HS6ST3: variants seen among roughly 807,000 people sequenced by gnomAD.
HS6ST3 encodes heparan sulfate 6-O-sulfotransferase 3.
In HS6ST3, 12 loss-of-function variants were observed where a neutral mutation model predicts 36.7. That is an observed-to-expected ratio of 0.33 (90% confidence interval 0.21 to 0.53). The LOEUF is 0.53. Among genes scored for constraint, HS6ST3 ranks in the 20% least tolerant of loss-of-function variants. HS6ST3 has a pLI of 0.95. For synonymous variants in HS6ST3, 240 were observed against 257.5 expected, an observed-to-expected ratio of 0.93 and a Z score of 0.65; for missense variants, 584 against 640.9, an observed-to-expected ratio of 0.91 and a Z score of 0.96.
intron 1 of HS6ST3, among the ~76,000 whole-genome samples, chr13:96,298,415 C>A (rs1209804600): frequency 6.6e-6 from 1 of 152,188 alleles, no homozygotes. Context: ...TCTACAGTTA[C>A]ACATTCTTAG....
intron 1 of HS6ST3, among the ~76,000 whole-genome samples, chr13:96,516,454 A>G (rs2056073207): frequency 6.6e-6 from 1 of 152,190 alleles, no homozygotes; most frequent in South Asian, 2.1e-4. Flanking sequence ...TACTTAATAG[A>G]TAGTCAGTAA....
intron 1 of HS6ST3, among the ~76,000 whole-genome samples, chr13:96,233,505 T>C (rs2139368846): frequency 6.6e-6 from 1 of 152,232 alleles, no homozygotes; most frequent in East Asian, 1.9e-4. Flanking sequence ...TCAACTATAG[T>C]TTGAAGAGTT....
chr13:96,666,530 G>T (rs1300768931), intron 1 of HS6ST3, among the ~76,000 whole-genome samples: 1 of 151,916 alleles, frequency 6.6e-6, no homozygotes, highest in Non-Finnish European at 1.5e-5. Flanking sequence ...TACTATAGTA[G>T]TATTATGGTT....
At chr13:96,421,837 C>CT (rs2055564209) in intron 1 of HS6ST3, among the ~76,000 whole-genome samples, 1 of 152,304 alleles carries the variant, frequency 6.6e-6, no homozygotes, top group South Asian at 2.1e-4. Context: ...GTCAAGAACA[C>CT]TGTCTTTTCA....
chr13:96,573,999 G>A (rs1359089135), intron 1 of HS6ST3: 7 of 541,416 alleles, frequency 1.3e-5, no homozygotes, highest in East Asian at 5.2e-5. Flanking sequence ...CCACAGCCAC[G>A]ACTTCCTAGA....
At chr13:96,467,073 T>C (rs1203072918) in intron 1 of HS6ST3, among the ~76,000 whole-genome samples, 1 of 152,234 alleles carries the variant, frequency 6.6e-6, no homozygotes, top group Admixed American at 6.5e-5. Flanking sequence ...ATATATTCTT[T>C]CTGACTCCCA....
chr13:96,830,202 A>G (rs1312114478), intron 1 of HS6ST3, among the ~76,000 whole-genome samples: 1 of 152,220 alleles, frequency 6.6e-6, no homozygotes, highest in African/African-American at 2.4e-5. Context: ...AGGCTAAGCT[A>G]TGATGTTTGG....
At chr13:96,733,197 C>T (rs1876202847) in intron 1 of HS6ST3, among the ~76,000 whole-genome samples, 1 of 152,122 alleles carries the variant, frequency 6.6e-6, no homozygotes, top group African/African-American at 2.4e-5. Context: ...AGTGGGCATT[C>T]TGGGCTTATT....
At chr13:96,581,143 A>G (rs2056340468) in intron 1 of HS6ST3, among the ~76,000 whole-genome samples, 1 of 152,200 alleles carries the variant, frequency 6.6e-6, no homozygotes, top group African/African-American at 2.4e-5. Flanking sequence ...TACCATTTGA[A>G]AAAGGAATAA....
chr13:96,549,975 G>T (rs1173790446), intron 1 of HS6ST3, among the ~76,000 whole-genome samples: 2 of 152,164 alleles, frequency 1.3e-5, no homozygotes, highest in Non-Finnish European at 2.9e-5. Context: ...CACATTGTAT[G>T]TTCTCTATTT....
At chr13:96,681,383 C>G (rs1197307827) in intron 1 of HS6ST3, among the ~76,000 whole-genome samples, 1 of 152,010 alleles carries the variant, frequency 6.6e-6, no homozygotes, top group Non-Finnish European at 1.5e-5. Context: ...GTTACAGGCT[C>G]TCTTGATCTC....
At chr13:96,203,684 A>G (rs923383689) in intron 1 of HS6ST3, among the ~76,000 whole-genome samples, 1 of 152,218 alleles carries the variant, frequency 6.6e-6, no homozygotes, top group African/African-American at 2.4e-5. Context: ...GCCAAATACC[A>G]TATGCCAAAT....
At chr13:96,482,979 A>G (rs2055896819) in intron 1 of HS6ST3, among the ~76,000 whole-genome samples, 1 of 152,182 alleles carries the variant, frequency 6.6e-6, no homozygotes, top group Non-Finnish European at 1.5e-5. Context: ...TTTGATAGTA[A>G]GTGGTGTTTA....
At chr13:96,159,326 T>C (rs910825736) in intron 1 of HS6ST3, among the ~76,000 whole-genome samples, 1 of 152,196 alleles carries the variant, frequency 6.6e-6, no homozygotes, top group Non-Finnish European at 1.5e-5. Context: ...AAAATAGCAT[T>C]CATTTTATTT....
chr13:96,666,113 A>G (rs946728091), intron 1 of HS6ST3, among the ~76,000 whole-genome samples: 5 of 152,148 alleles, frequency 3.3e-5, no homozygotes, highest in African/African-American at 9.7e-5. Flanking sequence ...TCATGGAGGA[A>G]GGGAAAGCAA....
At chr13:96,269,091 T>C (rs2054707025) in intron 1 of HS6ST3, among the ~76,000 whole-genome samples, 1 of 152,014 alleles carries the variant, frequency 6.6e-6, no homozygotes, top group Non-Finnish European at 1.5e-5. Flanking sequence ...TATAATTGTT[T>C]GTATATACCA....
intron 1 of HS6ST3, among the ~76,000 whole-genome samples, chr13:96,581,502 A>G (rs1474917293): frequency 1.3e-5 from 2 of 152,034 alleles, no homozygotes; most frequent in Non-Finnish European, 2.9e-5. Flanking sequence ...GATTACAGGT[A>G]TGAGCCACCG....
At chr13:96,828,305 T>C (rs1878693298) in intron 1 of HS6ST3, among the ~76,000 whole-genome samples, 1 of 152,230 alleles carries the variant, frequency 6.6e-6, no homozygotes, top group Non-Finnish European at 1.5e-5. Flanking sequence ...TAACAGAATA[T>C]AGAAAATGTA....
chr13:96,182,819 C>T (rs1195858090), intron 1 of HS6ST3, among the ~76,000 whole-genome samples: 2 of 152,166 alleles, frequency 1.3e-5, no homozygotes, highest in East Asian at 1.9e-4. Flanking sequence ...CTAAAGACCT[C>T]TGTGAGATTA....
Sources: gnomAD v4.1 joint callset for allele counts (sites outside exome capture counted in the v4.1 genomes callset) on GRCh38, gnomAD v4.1.1 for gene constraint, MANE v1.5 for transcripts, NCBI Gene and HGNC (gene_info 2026-07-23, HGNC 2026-07-21) for gene names.